Variants in NBPF6 observed in about 807,000 individuals in gnomAD.
The protein encoded by NBPF6 is NBPF member 6.
NBPF6 carries 2 observed loss-of-function variants against 20.8 expected under a neutral mutation model. The ratio of observed to expected loss-of-function variants is 0.10; its 90% CI spans 0.04 to 0.30. NBPF6 has a LOEUF of 0.30. Ranked by LOEUF, NBPF6 falls within the 10% of genes least tolerant of loss-of-function variation. The probability of loss-of-function intolerance (pLI) is 1.00; values close to 1 mark genes in which losing one functional copy is unlikely to be tolerated. For synonymous variants in NBPF6, 24 were observed against 100.0 expected (o/e 0.24, Z 4.53); for missense variants, 85 against 260.3 (o/e 0.33, Z 4.63).
chr1:108,436,440 G>T, the NBPF6 span, among the ~76,000 whole-genome samples: 1 of 90,702 alleles, frequency 1.1e-5, no homozygotes, highest in African/African-American at 3.5e-5. Context: ...GTGAAACCTC[G>T]TCTCTACTAA....
chr1:108,466,064 G>GT (rs1216055518), intron 13 of NBPF6, among the ~76,000 whole-genome samples: 1 of 36,992 alleles, frequency 2.7e-5, no homozygotes, highest in African/African-American at 1.2e-4. Flanking sequence ...TGCTTCTGCT[G>GT]TTTTTTCTGC....
chr1:108,446,636 TTTTG>T (rs1201914645), upstream of NBPF6, among the ~76,000 whole-genome samples: 1 of 19,634 alleles, frequency 5.1e-5, no homozygotes, highest in African/African-American at 1.2e-4. Flanking sequence ...CAAGAAGGTT[TTTTG>T]TTTGTTTGTT....
chr1:108,470,564 T>C lies in NBPF6; in HGVS notation c.1876-33T>C, dbSNP rs549428705. The C allele has an allele frequency of 6.0e-4, 918 of 1,534,402 alleles. 6 individuals are homozygous for C. The African/African-American group carries it at 0.012, about 19-fold the overall frequency. On this transcript the variant is annotated intron_variant, in intron 14 of 14. Coordinates refer to ENST00000495380, the MANE Select transcript of NBPF6 (RefSeq NM_001143988.2). ...CATCAGGTGGACCTGACAAAAATGCTCATTTGATTTTTTTTCTCTCTCTCC... is the reference window on the plus strand; with the variant it reads ...CATCAGGTGGACCTGACAAAAATGCCCATTTGATTTTTTTTCTCTCTCTCC...
chr1:108,467,074 TC>T (rs1218532931), intron 13 of NBPF6, among the ~76,000 whole-genome samples: 1 of 8,764 alleles, frequency 1.1e-4, no homozygotes, highest in African/African-American at 4.9e-4. Flanking sequence ...CATTCCCATC[TC>T]CTGTTTGAAC....
At chr1:108,448,165 G>C (rs1293257792), upstream of NBPF6, among the ~76,000 whole-genome samples, 1 of 145,670 alleles carries the variant, frequency 6.9e-6, no homozygotes, top group African/African-American at 2.5e-5. Flanking sequence ...ATCAATCCCA[G>C]CGGAAAGCAT....
At chr1:108,449,418 A>ATCTATC (rs1231526699), upstream of NBPF6, among the ~76,000 whole-genome samples, 1 of 3,396 alleles carries the variant, frequency 2.9e-4, no homozygotes, top group African/African-American at 4.5e-4. Context: ...TAGAACAACT[A>ATCTATC]TATATATATA....
At chr1:108,430,762 CT>C in the NBPF6 span, among the ~76,000 whole-genome samples, 2 of 34,518 alleles carry the variant, frequency 5.8e-5, no homozygotes, top group Non-Finnish European at 1.3e-4. Context: ...ACATTTTTTC[CT>C]TCATTTCAAC....
chr1:108,448,594 C>CA (rs1436911342), upstream of NBPF6, among the ~76,000 whole-genome samples: 3 of 113,658 alleles, frequency 2.6e-5, no homozygotes, highest in African/African-American at 9.4e-5. Context: ...TCACAGAAAC[C>CA]AAAAAATAGA....
Position 108,451,274 on chromosome 1 carries a change from C to A in NBPF6, c.178+495C>A, listed in dbSNP as rs1290554300. ...TCTAAGGAGCTTAAAGAGGAGACTGCCCCTAACAGAAACTGTGATATCTGT... is the reference window on the plus strand; with the variant it reads ...TCTAAGGAGCTTAAAGAGGAGACTGACCCTAACAGAAACTGTGATATCTGT... On this transcript the variant is annotated intron_variant, in intron 2 of 14. Transcript: ENST00000495380. Among the ~76,000 whole-genome samples, 2 of 43,354 alleles carry A rather than the reference C, an allele frequency of 4.6e-5. 1 individual carries two copies. The highest frequency in any genetic ancestry group is 1.7e-4 in the Non-Finnish European group (2 of 12,010). The allele number at this position is 43,354 out of a possible 152,430, so 28.4% of individuals were successfully genotyped here. A position where few individuals can be genotyped will look rare whatever the true frequency, so the allele number is the denominator to read the frequency against.
the NBPF6 span, among the ~76,000 whole-genome samples, chr1:108,436,825 G>C: frequency 1.6e-5 from 1 of 64,330 alleles, no homozygotes; most frequent in African/African-American, 4.5e-5. Flanking sequence ...AATCAGATTC[G>C]TGTGTCACTC....
upstream of NBPF6, among the ~76,000 whole-genome samples, chr1:108,448,220 A>G (rs1436308470): frequency 6.8e-6 from 1 of 146,078 alleles, no homozygotes; most frequent in African/African-American, 2.5e-5. Flanking sequence ...CTGTGTAATG[A>G]CAGTGCTTTG....
In NBPF6 at chr1:108,470,718, C is replaced by T. The variant is rs9440563; in HGVS notation, c.*80C>T. Reference sequence around the variant, plus strand: ...AGCAAGTTTAAGTCCAAACACAATACTGCAGGGGTCCTTCACTGAGGATTG... The same window carrying T: ...AGCAAGTTTAAGTCCAAACACAATATTGCAGGGGTCCTTCACTGAGGATTG... On this transcript the variant is annotated 3_prime_UTR_variant, in exon 15 of 15. Transcript: ENST00000495380. 79,264 of 1,031,090 alleles carry T rather than the reference C, an allele frequency of 0.077. 4,727 individuals are homozygous for T. Among genetic ancestry groups the T allele is most frequent in the African/African-American group, 0.29 (17,952 of 60,906 alleles). 63.9% of individuals were successfully genotyped at this position (1,031,090 alleles called of 1,614,324 possible).
chr1:108,470,476 C>T (rs1396534728), intron 14 of NBPF6, 121 bp from the exon 15 acceptor site: 5 of 942,102 alleles, frequency 5.3e-6, no homozygotes, highest in Non-Finnish European at 3.2e-6. Context: ...CACCCTCCAG[C>T]TCATCCTCCC....
chr1:108,467,696 C>G lies in NBPF6; in HGVS notation c.1875+31C>G. 3 of 1,548,834 alleles carry G rather than the reference C, an allele frequency of 1.9e-6. 1 individual carries two copies. Among genetic ancestry groups the G allele is most frequent in the Non-Finnish European group, 2.6e-6 (3 of 1,144,904 alleles). On this transcript the variant is annotated intron_variant, in intron 14 of 14. Coordinates refer to ENST00000495380, the MANE Select transcript of NBPF6 (RefSeq NM_001143988.2). Reference sequence around the variant, plus strand: ...CACATCTATGGCTGATAGCTGCACTCACTTCTTATTTCTCTGTCTATGGTG... The same window carrying G: ...CACATCTATGGCTGATAGCTGCACTGACTTCTTATTTCTCTGTCTATGGTG...
In NBPF6 at chr1:108,460,093, C is replaced by A; in HGVS notation, c.1189C>A (p.Leu397Ile). 1.8e-5 allele frequency: 1 copy of A among 54,746 alleles called. No individual in the cohort carries two copies. The allele number at this position is 54,746 out of a possible 1,614,324, so 3.4% of individuals were successfully genotyped here. A position where few individuals can be genotyped will look rare whatever the true frequency, so the allele number is the denominator to read the frequency against. ...SFEDKQVSLA[L>I]VDKIKKDQEE... ...TGAAGACAAGCAAGTCAGCTTGGCT[C>A]TTGTAGACAGTGAGTACTCCATTGT... Residue 397 changes from leucine to isoleucine, a missense_variant, in exon 10 of 15, where the codon CTT becomes ATT. Transcript: ENST00000495380.
rs2992768 is a variant in NBPF6 at position 108,470,836 on chromosome 1, C to T, written c.*198C>T. The T allele has an allele frequency of 0.83, 380,705 of 458,098 alleles. 159,667 individuals carry two copies. The highest frequency in any genetic ancestry group is 0.99 in the East Asian group (24,305 of 24,674). The allele number at this position is 458,098 out of a possible 1,614,324, so 28.4% of individuals were successfully genotyped here. A position where few individuals can be genotyped will look rare whatever the true frequency, so the allele number is the denominator to read the frequency against. ...TCCATCCCCCTCCAATTGTGATCAA[C>T]ACCTAGGGAGACCAATGCCCAGATG... On this transcript the variant is annotated 3_prime_UTR_variant, in exon 15 of 15. Transcript: ENST00000495380.
upstream of NBPF6, among the ~76,000 whole-genome samples, chr1:108,449,091 T>G (rs1652730890): frequency 1.2e-4 from 3 of 25,066 alleles, 1 homozygote; most frequent in African/African-American, 2.1e-4. Flanking sequence ...CCAGTCCTCC[T>G]CCTTCACTTC....
At chr1:108,449,416 C>CCA (rs1491203147), upstream of NBPF6, among the ~76,000 whole-genome samples, 3 of 8,846 alleles carry the variant, frequency 3.4e-4, 1 homozygote, top group Non-Finnish European at 2.1e-3. Flanking sequence ...GTTAGAACAA[C>CCA]TATATATATA....
rs147861905 is a variant in NBPF6, at chr1:108,471,437, G to T, written c.*799G>T. On this transcript the variant is annotated 3_prime_UTR_variant, in exon 15 of 15. Transcript: ENST00000495380. ...GGCCCAGTGTGTCCATCCCCAGTGCGGTGATACTAGGATGTTCACTTGGTC... is the reference window on the plus strand; with the variant it reads ...GGCCCAGTGTGTCCATCCCCAGTGCTGTGATACTAGGATGTTCACTTGGTC... 3.3e-3 allele frequency among the ~76,000 whole-genome samples: 496 copies of T among 152,276 alleles called. 2 individuals carry two copies. The highest frequency in any genetic ancestry group is 0.011 in the African/African-American group (475 of 41,558).
Sources: allele counts gnomAD v4.1 joint callset (sites outside exome capture counted in the v4.1 genomes callset), GRCh38; gene constraint gnomAD v4.1.1; transcripts MANE v1.5; gene names NCBI Gene and HGNC (gene_info 2026-07-23, HGNC 2026-07-21).